Variants in ITGA8 observed in about 807,000 individuals in gnomAD.
ITGA8 encodes integrin alpha-8.
In ITGA8, 91 loss-of-function variants were observed where a neutral mutation model predicts 142.3. The ratio of observed to expected loss-of-function variants is 0.64; its 90% CI spans 0.54 to 0.76. The LOEUF (loss-of-function observed/expected upper bound fraction) is 0.76, where lower values mean the gene tolerates loss of function less well. ITGA8 is among the 30% of genes least tolerant of loss of function. The pLI is 0.00. For missense variants in ITGA8, 1,406 were observed against 1,327.7 expected, an observed-to-expected ratio of 1.06 and a Z score of -0.92; for synonymous variants, 505 against 485.2, an observed-to-expected ratio of 1.04 and a Z score of -0.54.
intron 14 of ITGA8, among the ~76,000 whole-genome samples, chr10:15,614,288 C>T (rs1833354778): frequency 6.6e-6 from 1 of 152,190 alleles, no homozygotes; most frequent in East Asian, 1.9e-4. Flanking sequence ...GCAAATTTAG[C>T]TAAATACACG....
At chr10:15,693,502 T>TA (rs1029819894) in intron 2 of ITGA8, among the ~76,000 whole-genome samples, 10 of 152,190 alleles carry the variant, frequency 6.6e-5, no homozygotes, top group Admixed American at 6.5e-4. Context: ...CAGATGTTTT[T>TA]AAAAAACAAG....
At chr10:15,545,456 G>T (rs1833650999) in intron 27 of ITGA8, among the ~76,000 whole-genome samples, 1 of 151,846 alleles carries the variant, frequency 6.6e-6, no homozygotes, top group Non-Finnish European at 1.5e-5. Flanking sequence ...TGTTTTATTA[G>T]ATGCTGAGTA....
chr10:15,623,015 A>T (rs1247655044), intron 13 of ITGA8, among the ~76,000 whole-genome samples: 2 of 152,146 alleles, frequency 1.3e-5, no homozygotes, highest in African/African-American at 4.8e-5. Flanking sequence ...ATAAATTAGC[A>T]TTATTTTCAT....
chr10:15,690,798 T>C (rs1257945933), intron 2 of ITGA8, among the ~76,000 whole-genome samples: 1 of 151,812 alleles, frequency 6.6e-6, no homozygotes, highest in Non-Finnish European at 1.5e-5. Flanking sequence ...CTGAAGAAGC[T>C]TCAGAGAAAC....
At chr10:15,616,729 G>A (rs1205032426) in intron 13 of ITGA8, among the ~76,000 whole-genome samples, 170 bp from the exon 14 acceptor site, 1 of 104,936 alleles carries the variant, frequency 9.5e-6, no homozygotes, top group Non-Finnish European at 2.3e-5. Context: ...GGATGTTGGA[G>A]CTTCACTATA....
intron 2 of ITGA8, among the ~76,000 whole-genome samples, chr10:15,694,029 A>G (rs542810786): frequency 6.6e-6 from 1 of 150,442 alleles, no homozygotes; most frequent in Non-Finnish European, 1.5e-5. Flanking sequence ...GCAGCGTTAC[A>G]ACTACATGAA....
intron 13 of ITGA8, among the ~76,000 whole-genome samples, chr10:15,631,621 C>T (rs565512858): frequency 1.1e-4 from 17 of 151,116 alleles, no homozygotes; most frequent in South Asian, 2.1e-4. Flanking sequence ...ATGTAGATGA[C>T]GGGTTGATGG....
rs78212451 is a variant in ITGA8 at position 15,578,009 on chromosome 10, C to T, written c.2373-2415G>A. Reference sequence around the variant, plus strand: ...ATTCATATGTAGTTGTAAGAAATAACTTGGAGAGATTCCATGTACCATTTA... The same window carrying T: ...ATTCATATGTAGTTGTAAGAAATAATTTGGAGAGATTCCATGTACCATTTA... On this transcript the variant is annotated intron_variant, in intron 23 of 29. Transcript: ENST00000378076. Among the ~76,000 whole-genome samples the T allele has an allele frequency of 3.9e-3, 587 of 152,220 alleles. 5 individuals are homozygous for T. The highest frequency in any genetic ancestry group is 0.014 in the African/African-American group (566 of 41,540).
intron 3 of ITGA8, among the ~76,000 whole-genome samples, chr10:15,684,371 GT>G (rs767902729): frequency 4.0e-4 from 58 of 145,036 alleles, no homozygotes; most frequent in African/African-American, 4.5e-4. Context: ...TCTGACAATA[GT>G]TTTTTTTTTT....
intron 13 of ITGA8, among the ~76,000 whole-genome samples, chr10:15,626,464 C>T (rs979147434): frequency 1.3e-5 from 2 of 152,122 alleles, no homozygotes; most frequent in African/African-American, 4.8e-5. Context: ...CGTAATCCTC[C>T]CACCTTGGCC....
intron 24 of ITGA8, among the ~76,000 whole-genome samples, chr10:15,572,786 T>C (rs1340748005): frequency 3.3e-5 from 5 of 152,230 alleles, no homozygotes; most frequent in African/African-American, 1.2e-4. Context: ...ATTGCAACCA[T>C]ATGTGATGTA....
intron 4 of ITGA8, among the ~76,000 whole-genome samples, chr10:15,680,812 A>G (rs984046449): frequency 6.6e-6 from 1 of 151,896 alleles, no homozygotes; most frequent in Admixed American, 6.6e-5. Context: ...GAAAATAATC[A>G]GCTCCAAATG....
chr10:15,609,904 A>G (rs1833261201), intron 15 of ITGA8, among the ~76,000 whole-genome samples: 1 of 152,244 alleles, frequency 6.6e-6, no homozygotes, highest in Non-Finnish European at 1.5e-5. Context: ...ACTAATTTTT[A>G]AAAAGGAATA....
At chr10:15,718,415 A>G (rs1007602172) in intron 2 of ITGA8, among the ~76,000 whole-genome samples, 3 of 152,168 alleles carry the variant, frequency 2.0e-5, no homozygotes, top group African/African-American at 7.2e-5. Flanking sequence ...CTTGAGAAGC[A>G]ACCAAATTCT....
chr10:15,527,984 C>T (rs1037387803), intron 28 of ITGA8, among the ~76,000 whole-genome samples: 1 of 132,144 alleles, frequency 7.6e-6, no homozygotes, highest in Non-Finnish European at 1.5e-5. Flanking sequence ...GGCGTGATCT[C>T]GGCTCACTGC....
At chr10:15,671,530 GA>G (rs1564401961) in intron 8 of ITGA8, 72 bp downstream of exon 8, 2 of 1,262,416 alleles carry the variant, frequency 1.6e-6, no homozygotes, top group Non-Finnish European at 2.3e-6. Context: ...CACATTGATA[GA>G]AAAAACTTTA....
intron 25 of ITGA8, among the ~76,000 whole-genome samples, chr10:15,561,245 A>ATATATATATATG (rs1554772750): frequency 8.4e-4 from 112 of 133,756 alleles, no homozygotes; most frequent in African/African-American, 3.1e-3. Flanking sequence ...GTATATATAT[A>ATATATATATATG]TATATATATG....
chr10:15,712,878 G>A (rs1308144424), intron 2 of ITGA8, among the ~76,000 whole-genome samples: 2 of 152,200 alleles, frequency 1.3e-5, no homozygotes, highest in Non-Finnish European at 2.9e-5. Flanking sequence ...ATGCTGCAGA[G>A]CCTACACGGA....
chr10:15,566,657 C>A (rs2131577127), intron 25 of ITGA8, among the ~76,000 whole-genome samples: 1 of 151,558 alleles, frequency 6.6e-6, no homozygotes, highest in East Asian at 2.0e-4. Context: ...CAAATAAATA[C>A]AAAAATCAGC....
Sources: allele counts gnomAD v4.1 joint callset (sites outside exome capture counted in the v4.1 genomes callset), GRCh38; gene constraint gnomAD v4.1.1; transcripts MANE v1.5; gene names NCBI Gene and HGNC (gene_info 2026-07-23, HGNC 2026-07-21).